Variants in ADAMTSL1 observed in about 807,000 individuals in gnomAD.
ADAMTSL1 encodes the protein ADAMTS like 1.
ADAMTSL1 carries 126 observed loss-of-function variants against 201.8 expected under a neutral mutation model. That is an observed-to-expected ratio of 0.62 (90% confidence interval 0.54 to 0.72). The LOEUF is 0.72. ADAMTSL1 is among the 30% of genes least tolerant of loss of function. ADAMTSL1 has a pLI of 0.00. For missense variants in ADAMTSL1, 2,679 were observed against 2,277.8 expected (o/e 1.18, Z -3.59); for synonymous variants, 1,121 against 903.4 (o/e 1.24, Z -4.32).
Position 18,843,741 on chromosome 9 carries a change from T to C in ADAMTSL1, c.4249+13764T>C, listed in dbSNP as rs367890467. Among the ~76,000 whole-genome samples, 18 of 151,012 alleles carry C rather than the reference T, an allele frequency of 1.2e-4. 1 individual carries two copies. Among genetic ancestry groups the C allele is most frequent in the Admixed American group, 1.3e-4 (2 of 15,258 alleles). On this transcript the variant is annotated intron_variant, in intron 23 of 28. Transcript: ENST00000380548. Reference sequence around the variant, plus strand: ...TGGAGGCTTTGTTCATTTCTTTTTATTCTTTTTTCTCTAAACTTCCCTTCT... The same window carrying C: ...TGGAGGCTTTGTTCATTTCTTTTTACTCTTTTTTCTCTAAACTTCCCTTCT...
At chr9:18,077,842 G>C (rs1351793587) in intron 1 of ADAMTSL1, among the ~76,000 whole-genome samples, 1 of 152,156 alleles carries the variant, frequency 6.6e-6, no homozygotes, top group Non-Finnish European at 1.5e-5. Flanking sequence ...GAGAGAGATG[G>C]AGAGGGGCTA....
At chr9:18,410,730 T>C (rs369831912) in intron 2 of ADAMTSL1, among the ~76,000 whole-genome samples, 7 of 152,340 alleles carry the variant, frequency 4.6e-5, no homozygotes, top group African/African-American at 1.7e-4. Context: ...CCTTTGGGTA[T>C]ATACCCAGTA....
chr9:18,461,044 A>C (rs1245993603), intron 2 of ADAMTSL1, among the ~76,000 whole-genome samples: 1 of 152,212 alleles, frequency 6.6e-6, no homozygotes, highest in African/African-American at 2.4e-5. Context: ...TTTTTAACAA[A>C]TGTAACTTTT....
intron 14 of ADAMTSL1, among the ~76,000 whole-genome samples, chr9:18,712,257 T>C (rs1471239778): frequency 6.6e-6 from 1 of 152,224 alleles, no homozygotes; most frequent in Non-Finnish European, 1.5e-5. Flanking sequence ...AGAATGACTT[T>C]GATGAGCTGA....
At chr9:18,240,937 T>G (rs992803911) in intron 2 of ADAMTSL1, among the ~76,000 whole-genome samples, 2 of 152,200 alleles carry the variant, frequency 1.3e-5, no homozygotes, top group African/African-American at 4.8e-5. Context: ...CTCACTTCTG[T>G]CAACATTCAC....
rs1487794109 is a variant in ADAMTSL1 at position 18,770,616 on chromosome 9, T to A, written c.2232T>A (p.Cys744Ter). 3.1e-6 allele frequency: 5 copies of A among 1,612,724 alleles called. No individual in the cohort carries two copies. The highest frequency in any genetic ancestry group is 1.3e-5 in the African/African-American group (1 of 74,910). The change falls in exon 17 of 29, where the codon TGT becomes TGA. Residue 744 changes from cysteine (C) to a stop codon, truncating the protein, a stop_gained. Coordinates refer to ENST00000380548, the MANE Select transcript of ADAMTSL1 (RefSeq NM_001040272.6). LOFTEE classifies it high-confidence loss of function. ...TCTTTCCCCAGTGTTCCAGAACGTG[T>A]GGCGGGGGTGTTCAGAAACGTGAGG... is the stretch of plus-strand genomic sequence containing the variant. ...PAQWQPCSRT[C>*]GGGVQKREVL...
intron 9 of ADAMTSL1, among the ~76,000 whole-genome samples, chr9:18,663,648 A>G (rs894009278): frequency 2.6e-4 from 40 of 152,146 alleles, no homozygotes; most frequent in African/African-American, 9.7e-4. Context: ...ATTTCCATGA[A>G]AATTTGTACG....
At chr9:18,086,881 T>G (rs1431696441) in intron 1 of ADAMTSL1, among the ~76,000 whole-genome samples, 1 of 152,204 alleles carries the variant, frequency 6.6e-6, no homozygotes, top group Non-Finnish European at 1.5e-5. Context: ...ACAGTGAATA[T>G]TTCTTTTTAA....
chr9:17,980,838 A>G (rs1357903674), intron 1 of ADAMTSL1, among the ~76,000 whole-genome samples: 1 of 152,212 alleles, frequency 6.6e-6, no homozygotes, highest in East Asian at 1.9e-4. Flanking sequence ...ATCTTCTTAT[A>G]CAGACATTCT....
At chr9:18,736,906 G>T (rs563732655) in intron 15 of ADAMTSL1, among the ~76,000 whole-genome samples, 1 of 152,166 alleles carries the variant, frequency 6.6e-6, no homozygotes, top group African/African-American at 2.4e-5. Context: ...ACCACATTTT[G>T]GGAGCCCCAA....
chr9:18,341,264 C>T (rs1009993415), intron 2 of ADAMTSL1, among the ~76,000 whole-genome samples: 5 of 152,066 alleles, frequency 3.3e-5, no homozygotes, highest in Non-Finnish European at 2.9e-5. Context: ...GCTCTCTGGT[C>T]CAGTCTTAAT....
At chr9:18,822,132 G>C (rs537756483) in intron 21 of ADAMTSL1, among the ~76,000 whole-genome samples, 1 of 152,256 alleles carries the variant, frequency 6.6e-6, no homozygotes, top group East Asian at 1.9e-4. Flanking sequence ...TTAGCATGTG[G>C]AGCCTATCCA....
intron 23 of ADAMTSL1, among the ~76,000 whole-genome samples, chr9:18,833,093 G>A (rs1825091570): frequency 6.6e-6 from 1 of 152,198 alleles, no homozygotes; most frequent in African/African-American, 2.4e-5. Context: ...ACTCTCCAAA[G>A]GGAATGTTGC....
At chr9:18,650,792 A>G (rs1564119191) in intron 7 of ADAMTSL1, among the ~76,000 whole-genome samples, 1 of 152,294 alleles carries the variant, frequency 6.6e-6, no homozygotes, top group East Asian at 1.9e-4. Flanking sequence ...CATTTTTGTC[A>G]ATGCCAGTTT....
intron 1 of ADAMTSL1, among the ~76,000 whole-genome samples, chr9:18,097,323 G>C (rs539953319): frequency 1.3e-5 from 2 of 152,180 alleles, no homozygotes; most frequent in South Asian, 4.1e-4. Context: ...ATAGATATTT[G>C]TGTTTCTGGA....
At chr9:17,938,411 C>T (rs953398698) in intron 1 of ADAMTSL1, among the ~76,000 whole-genome samples, 1 of 152,134 alleles carries the variant, frequency 6.6e-6, no homozygotes, top group African/African-American at 2.4e-5. Flanking sequence ...CAAAGAGATA[C>T]CCCCAGGTAC....
At chr9:18,469,379 G>A (rs987012303), upstream of ADAMTSL1, among the ~76,000 whole-genome samples, 4 of 152,178 alleles carry the variant, frequency 2.6e-5, no homozygotes, top group East Asian at 1.9e-4. Context: ...GTTAAAGGGG[G>A]TATATCAGTT....
intron 1 of ADAMTSL1, among the ~76,000 whole-genome samples, chr9:17,979,663 G>A (rs1818607732): frequency 6.6e-6 from 1 of 151,678 alleles, no homozygotes; most frequent in Non-Finnish European, 1.5e-5. Context: ...GTTCTTTGGT[G>A]GTATTTTGTT....
chr9:17,982,441 C>T (rs1478704565), intron 1 of ADAMTSL1, among the ~76,000 whole-genome samples: 6 of 151,860 alleles, frequency 4.0e-5, no homozygotes, highest in South Asian at 4.2e-4. Flanking sequence ...GGTGAAACCC[C>T]GTCTCTCTAA....
Sources: gnomAD v4.1 joint callset for allele counts (sites outside exome capture counted in the v4.1 genomes callset) on GRCh38, gnomAD v4.1.1 for gene constraint, MANE v1.5 for transcripts, NCBI Gene and HGNC (gene_info 2026-07-23, HGNC 2026-07-21) for gene names.